The following GBX1 variants were observed in gnomAD, a reference collection of about 807,000 sequenced individuals.
The protein encoded by GBX1 is gastrulation brain homeobox 1.
GBX1 carries 9 observed loss-of-function variants against 22.9 expected under a neutral mutation model. The ratio of observed to expected loss-of-function variants is 0.39; its 90% CI spans 0.24 to 0.69. The LOEUF (loss-of-function observed/expected upper bound fraction) is 0.69. GBX1 is among the 30% of genes least tolerant of loss of function. The pLI is 0.43. For missense variants in GBX1, 494 were observed against 509.2 expected, an observed-to-expected ratio of 0.97 and a Z score of 0.29; for synonymous variants, 203 against 227.3, an observed-to-expected ratio of 0.89 and a Z score of 0.96.
chr7:151,167,095 C>T lies in GBX1; in HGVS notation c.454G>A (p.Glu152Lys). ...RRPEGGLEAD[E>K]LLPAREKVAE... ...ACTTTCTCCCGGGCCGGCAGCAGCT[C>T]ATCAGCTTCCAGCCCACCCTCTGGG... Residue 152 changes from glutamate to lysine, a missense_variant, in exon 1 of 2, where the codon GAG becomes AAG. By Grantham distance (56) the Glu-to-Lys change is moderately conservative. Around this residue, in one of 3 missense-constraint regions of GBX1, gnomAD observed 365 missense variants for 340.4 expected, o/e 1.07. Transcript: ENST00000297537. The surrounding 1 kb of genome is among the most constrained non-coding windows in gnomAD (Gnocchi z 5.9). The T allele has an allele frequency of 6.2e-7, 1 of 1,604,768 alleles. No homozygotes were observed. The highest frequency in any genetic ancestry group is 8.5e-7 in the Non-Finnish European group (1 of 1,176,994).
At chr7:151,155,434 C>T (rs1801123539) in intron 1 of GBX1, among the ~76,000 whole-genome samples, 1 of 152,174 alleles carries the variant, frequency 6.6e-6, no homozygotes, top group African/African-American at 2.4e-5. Context: ...TTAAAACAGC[C>T]AGTTCACTCT....
At chr7:151,151,332 T>C (rs1801077794) in intron 1 of GBX1, among the ~76,000 whole-genome samples, 1 of 152,184 alleles carries the variant, frequency 6.6e-6, no homozygotes, top group Non-Finnish European at 1.5e-5. Flanking sequence ...CTGTATCCTG[T>C]CTGTAGCTAA....
chr7:151,166,483 C>CG (rs1443368282), intron 1 of GBX1, among the ~76,000 whole-genome samples: 3 of 125,216 alleles, frequency 2.4e-5, no homozygotes, highest in African/African-American at 1.1e-4. Flanking sequence ...AACCCCCCCC[C>CG]CCCAACACAC....
chr7:151,161,316 T>C (rs1292949142), intron 1 of GBX1, among the ~76,000 whole-genome samples: 2 of 152,226 alleles, frequency 1.3e-5, no homozygotes, highest in Non-Finnish European at 2.9e-5. Flanking sequence ...CATATTTACA[T>C]GTGCCACCTT....
intron 1 of GBX1, among the ~76,000 whole-genome samples, chr7:151,166,037 G>GC (rs1041454092): frequency 6.6e-6 from 1 of 152,274 alleles, no homozygotes; most frequent in African/African-American, 2.4e-5. Context: ...TGCAAGTGGT[G>GC]CCTATTTTTC....
chr7:151,156,831 A>C (rs1484885013), intron 1 of GBX1, among the ~76,000 whole-genome samples: 1 of 151,976 alleles, frequency 6.6e-6, no homozygotes, highest in Non-Finnish European at 1.5e-5. Context: ...CTAAAACTAC[A>C]AAAATTAGCC....
intron 1 of GBX1, among the ~76,000 whole-genome samples, chr7:151,159,186 G>A (rs1041088775): frequency 6.6e-5 from 10 of 151,712 alleles, no homozygotes; most frequent in African/African-American, 2.2e-4. Context: ...CCAGGCTCAA[G>A]GGATCCTCTT....
At chr7:151,151,837 C>A (rs761277869) in intron 1 of GBX1, among the ~76,000 whole-genome samples, 1 of 152,206 alleles carries the variant, frequency 6.6e-6, no homozygotes, top group Non-Finnish European at 1.5e-5. Flanking sequence ...CTCCACCTGG[C>A]CCATGATTCC....
intron 1 of GBX1, among the ~76,000 whole-genome samples, chr7:151,153,122 A>T (rs60849078): frequency 0.03 from 4,636 of 152,284 alleles, 234 homozygotes; most frequent in African/African-American, 0.1. Flanking sequence ...GAAAAATTAA[A>T]TGATGAGTCA....
chr7:151,154,267 G>A (rs909732568), intron 1 of GBX1, among the ~76,000 whole-genome samples: 2 of 151,932 alleles, frequency 1.3e-5, no homozygotes, highest in African/African-American at 2.4e-5. Flanking sequence ...AACAAAAAAC[G>A]ATAAATAAAT....
intron 1 of GBX1, among the ~76,000 whole-genome samples, chr7:151,162,105 G>A (rs1345192925): frequency 6.6e-6 from 1 of 152,194 alleles, no homozygotes; most frequent in African/African-American, 2.4e-5. Context: ...CTAAACAAAT[G>A]TTCCATCAAT....
intron 1 of GBX1, among the ~76,000 whole-genome samples, chr7:151,152,957 A>C (rs540440884): frequency 6.6e-6 from 1 of 152,340 alleles, no homozygotes; most frequent in Admixed American, 6.5e-5. Context: ...GTGGGACAAT[A>C]GAAGAAAGCA....
chr7:151,161,927 A>C (rs1801191956), intron 1 of GBX1, among the ~76,000 whole-genome samples: 1 of 152,314 alleles, frequency 6.6e-6, no homozygotes, highest in East Asian at 1.9e-4. Context: ...GAGGAAACCA[A>C]AGCCTAGAGA....
intron 1 of GBX1, among the ~76,000 whole-genome samples, chr7:151,158,309 A>T (rs998684349): frequency 6.6e-6 from 1 of 152,204 alleles, no homozygotes; most frequent in African/African-American, 2.4e-5. Context: ...CACCAGTTTG[A>T]AATTCATCTG....
Position 151,167,538 on chromosome 7 carries a change from G to T in GBX1, c.11C>A (p.Ala4Asp). 1 of 1,459,708 alleles carries T rather than the reference G, an allele frequency of 6.9e-7. No homozygotes were observed. The highest frequency in any genetic ancestry group is 8.9e-7 in the Non-Finnish European group (1 of 1,117,624). The allele number at this position is 1,459,708 out of a possible 1,614,324, so 90.4% of individuals were successfully genotyped here. A position where few individuals can be genotyped will look rare whatever the true frequency, so the allele number is the denominator to read the frequency against. The change falls in exon 1 of 2, where the codon GCC (alanine) becomes GAC (aspartate). Residue 4 changes from alanine to aspartate, a missense_variant. By Grantham distance (126) the Ala-to-Asp change is moderately radical. Coordinates refer to ENST00000297537, the MANE Select transcript of GBX1 (RefSeq NM_001098834.3). This position sits in a 1 kb window ranked among gnomAD's most constrained non-coding sequence, Gnocchi z 5.9. MQR[A>D]GGGSAPGGNG... ...GCCCCCAGGGGCGCTACCGCCTCCG[G>T]CCCGCTGCATCTTGTTCGGAGCTGC...
intron 1 of GBX1, among the ~76,000 whole-genome samples, chr7:151,152,722 G>A (rs1368000743): frequency 4.6e-5 from 7 of 152,290 alleles, no homozygotes; most frequent in African/African-American, 1.7e-4. Context: ...TCCTGAGATC[G>A]TATCATCCAT....
At chr7:151,162,725 G>T (rs1311182783) in intron 1 of GBX1, among the ~76,000 whole-genome samples, 2 of 151,262 alleles carry the variant, frequency 1.3e-5, no homozygotes, top group African/African-American at 2.4e-5. Context: ...CTAAGCTTTT[G>T]CATTCAGGCA....
Position 151,149,068 on chromosome 7 carries a change from C to G in GBX1, c.613G>C (p.Glu205Gln). ...SAGDPAGSEQEEEGSGGDSED... is the reference protein window; with the variant it reads ...SAGDPAGSEQQEEGSGGDSED... ...CTGTCACCGCCTGAGCCCTCTTCCT[C>G]CTGTTCGCTGCCTGCTGGGTCTCCT... Residue 205 changes from glutamate (E) to glutamine (Q), a missense_variant, in exon 2 of 2, where the codon GAG (glutamate) becomes CAG (glutamine). Coordinates refer to ENST00000297537, the MANE Select transcript of GBX1 (RefSeq NM_001098834.3). The G allele has an allele frequency of 6.2e-7, 1 of 1,613,668 alleles. No individual in the cohort carries two copies. The highest frequency in any genetic ancestry group is 8.5e-7 in the Non-Finnish European group (1 of 1,180,038).
chr7:151,164,776 CTT>C (rs71533521), intron 1 of GBX1, among the ~76,000 whole-genome samples: 24 of 104,402 alleles, frequency 2.3e-4, no homozygotes, highest in African/African-American at 7.1e-4. Context: ...AAATTTCCCT[CTT>C]TTTTTTTTTT....
Sources: allele counts gnomAD v4.1 joint callset (sites outside exome capture counted in the v4.1 genomes callset), GRCh38; gene constraint gnomAD v4.1.1; regional missense constraint gnomAD v4.1.1; non-coding constraint Gnocchi (gnomAD v3.1); transcripts MANE v1.5; gene names NCBI Gene and HGNC (gene_info 2026-07-23, HGNC 2026-07-21).